RAVER2: variants seen among roughly 807,000 people sequenced by gnomAD.
The protein encoded by RAVER2 is ribonucleoprotein, PTB binding 2.
RAVER2 carries 46 observed loss-of-function variants against 78.1 expected under a neutral mutation model. That is an observed-to-expected ratio of 0.59 (90% confidence interval 0.46 to 0.75). The LOEUF is 0.75. RAVER2 is among the 30% of genes least tolerant of loss of function. The probability of loss-of-function intolerance (pLI) is 0.00; values close to 1 mark genes in which losing one functional copy is unlikely to be tolerated. For synonymous variants in RAVER2, 311 were observed against 313.3 expected, an observed-to-expected ratio of 0.99 and a Z score of 0.08; for missense variants, 793 against 837.5, an observed-to-expected ratio of 0.95 and a Z score of 0.66.
intron 11 of RAVER2, among the ~76,000 whole-genome samples, chr1:64,820,976 T>C (rs1653875056): frequency 1.3e-5 from 2 of 152,206 alleles, no homozygotes. Context: ...TTTGAGGTAT[T>C]GCTACACTAC....
At chr1:64,818,426 C>G (rs897338335) in intron 11 of RAVER2, among the ~76,000 whole-genome samples, 1 of 152,104 alleles carries the variant, frequency 6.6e-6, no homozygotes, top group Admixed American at 6.5e-5. Context: ...GTCCCAGCTA[C>G]TTGGGAGGCT....
At chr1:64,813,736 A>G (rs1281321717) in intron 10 of RAVER2, among the ~76,000 whole-genome samples, 1 of 151,868 alleles carries the variant, frequency 6.6e-6, no homozygotes, top group African/African-American at 2.4e-5. Flanking sequence ...TATACCTGTT[A>G]TATATTGATC....
At chr1:64,779,264 T>C (rs1433188366) in intron 3 of RAVER2, among the ~76,000 whole-genome samples, 1 of 152,108 alleles carries the variant, frequency 6.6e-6, no homozygotes, top group Admixed American at 6.6e-5. Flanking sequence ...TTGCATCTTT[T>C]GACCATATCT....
exon 12 of RAVER2, chr1:64,832,291 TTCTC>T (rs1168313665): frequency 6.6e-6 from 1 of 152,596 alleles, no homozygotes; most frequent in Non-Finnish European, 1.5e-5. Context: ...ACTCTCTGCT[TTCTC>T]TCTCACTCTT....
At chr1:64,805,581 A>G (rs1180436205) in intron 8 of RAVER2, among the ~76,000 whole-genome samples, 2 of 152,238 alleles carry the variant, frequency 1.3e-5, no homozygotes, top group Non-Finnish European at 2.9e-5. Flanking sequence ...TTCTAAAAAC[A>G]TGGCAAACAA....
chr1:64,762,113 T>C (rs373541793), intron 1 of RAVER2, among the ~76,000 whole-genome samples: 11 of 152,224 alleles, frequency 7.2e-5, no homozygotes, highest in African/African-American at 2.2e-4. Context: ...ATAAATGATA[T>C]TTCTGTATAC....
At chr1:64,806,412 A>G (rs1012644722) in intron 8 of RAVER2, among the ~76,000 whole-genome samples, 1 of 152,212 alleles carries the variant, frequency 6.6e-6, no homozygotes, top group Non-Finnish European at 1.5e-5. Flanking sequence ...ACCCTGACTC[A>G]AAAAACAAAC....
chr1:64,828,661 T>G (rs1286221014), intron 11 of RAVER2, among the ~76,000 whole-genome samples: 2 of 152,108 alleles, frequency 1.3e-5, no homozygotes, highest in Non-Finnish European at 2.9e-5. Context: ...TTCTTTTTTT[T>G]TTTTAAGGTT....
chr1:64,763,917 TACACACACACACACACACAC>T lies in RAVER2; in HGVS notation c.250-4720_250-4701del, dbSNP rs58298918. Among the ~76,000 whole-genome samples the T allele has an allele frequency of 4.6e-3, 615 of 133,812 alleles. 3 individuals carry two copies. The highest frequency in any genetic ancestry group is 0.014 in the Admixed American group (191 of 13,404). The allele number at this position is 133,812 out of a possible 152,430, so 87.8% of individuals were successfully genotyped here. A position where few individuals can be genotyped will look rare whatever the true frequency, so the allele number is the denominator to read the frequency against. On this transcript the variant is annotated intron_variant, in intron 1 of 11. Coordinates refer to ENST00000294428, the Ensembl canonical transcript of RAVER2. ...AAACTCCATCTCAAAAAAACAAAAATACACACACACACACACACACACACACACACACACACACCCCTACC... is the reference window on the plus strand; with the variant it reads ...AAACTCCATCTCAAAAAAACAAAAATACACACACACACACACACCCCTACC...
intron 1 of RAVER2, among the ~76,000 whole-genome samples, chr1:64,757,262 A>G (rs1225134567): frequency 6.6e-6 from 1 of 152,160 alleles, no homozygotes; most frequent in Admixed American, 6.5e-5. Context: ...GAAGGTGCCT[A>G]TTTTAGACTG....
chr1:64,756,647 A>G (rs1352773674), intron 1 of RAVER2, among the ~76,000 whole-genome samples: 1 of 152,188 alleles, frequency 6.6e-6, no homozygotes, highest in East Asian at 1.9e-4. Context: ...ACATCAGTCA[A>G]AACTTAGAAA....
chr1:64,778,352 CCCA>C (rs1652531985), intron 3 of RAVER2, among the ~76,000 whole-genome samples: 2 of 152,154 alleles, frequency 1.3e-5, no homozygotes, highest in South Asian at 4.1e-4. Context: ...ATCCATTCGT[CCCA>C]CCATTTTTCC....
exon 3 of RAVER2, chr1:64,778,040 C>T (rs1260518939): frequency 1.2e-6 from 2 of 1,613,748 alleles, no homozygotes; most frequent in African/African-American, 2.7e-5. Context: ...TACAGGGATT[C>T]AGAAGAGCTG....
intron 5 of RAVER2, among the ~76,000 whole-genome samples, chr1:64,792,182 G>A (rs1184295969): frequency 2.0e-5 from 3 of 152,068 alleles, no homozygotes; most frequent in Admixed American, 6.6e-5. Flanking sequence ...GCAGATTACA[G>A]TTCTATATTT....
chr1:64,809,822 A>G (rs1019010835), intron 9 of RAVER2, among the ~76,000 whole-genome samples: 16 of 152,182 alleles, frequency 1.1e-4, no homozygotes, highest in Non-Finnish European at 2.2e-4. Context: ...GAATTTGACT[A>G]TTCTAGGTAC....
intron 11 of RAVER2, among the ~76,000 whole-genome samples, chr1:64,820,992 G>A (rs536551644): frequency 2.3e-4 from 35 of 152,190 alleles, no homozygotes; most frequent in Non-Finnish European, 4.1e-4. Context: ...ACTACTTGCC[G>A]CAATGGTTGA....
intron 2 of RAVER2, among the ~76,000 whole-genome samples, chr1:64,772,560 G>A (rs765630388): frequency 2.6e-5 from 4 of 152,082 alleles, no homozygotes; most frequent in South Asian, 2.1e-4. Flanking sequence ...CAATGTTCAA[G>A]ATAGAGAGGT....
At chr1:64,817,566 T>G (rs1570581683) in intron 11 of RAVER2, among the ~76,000 whole-genome samples, 1 of 152,072 alleles carries the variant, frequency 6.6e-6, no homozygotes, top group Non-Finnish European at 1.5e-5. Flanking sequence ...TGGAATACTA[T>G]GCAGCCATAA....
chr1:64,828,641 G>A (rs1654053575), intron 11 of RAVER2, among the ~76,000 whole-genome samples: 1 of 151,258 alleles, frequency 6.6e-6, no homozygotes, highest in Non-Finnish European at 1.5e-5. Context: ...GGGCTACAGT[G>A]AAACCCGTTT....
Sources: allele counts gnomAD v4.1 joint callset (sites outside exome capture counted in the v4.1 genomes callset), GRCh38; gene constraint gnomAD v4.1.1; transcripts MANE v1.5; gene names NCBI Gene and HGNC (gene_info 2026-07-23, HGNC 2026-07-21).